Variants in XXYLT1 observed in about 807,000 individuals in gnomAD.
XXYLT1 encodes the protein xyloside xylosyltransferase 1.
A neutral mutation model predicts 28.9 loss-of-function variants in XXYLT1; 20 were observed. That is an observed-to-expected ratio of 0.69 (90% CI 0.49 to 1.00). The LOEUF (loss-of-function observed/expected upper bound fraction) is 1.00. Among genes scored for constraint, XXYLT1 ranks in the 50% least tolerant of loss-of-function variants. The pLI is 0.00. For missense variants in XXYLT1, 542 were observed against 560.1 expected, an observed-to-expected ratio of 0.97 and a Z score of 0.33; for synonymous variants, 257 against 253.8, an observed-to-expected ratio of 1.01 and a Z score of -0.12.
chr3:195,123,835 G>C (rs559397066), intron 3 of XXYLT1, among the ~76,000 whole-genome samples: 1 of 152,146 alleles, frequency 6.6e-6, no homozygotes, highest in East Asian at 1.9e-4. Context: ...TCTGTCCCCC[G>C]CCCAGGACAT....
At chr3:195,082,341 C>G (rs1486782928) in intron 3 of XXYLT1, among the ~76,000 whole-genome samples, 5 of 152,202 alleles carry the variant, frequency 3.3e-5, no homozygotes, top group Non-Finnish European at 5.9e-5. Flanking sequence ...CGTCAGCCCC[C>G]CTCCCTGGTG....
intron 3 of XXYLT1, among the ~76,000 whole-genome samples, chr3:195,071,261 C>T (rs1449931545): frequency 6.6e-6 from 1 of 152,134 alleles, no homozygotes; most frequent in Non-Finnish European, 1.5e-5. Context: ...GCTCTGCCTC[C>T]CAGCCTGGAG....
At chr3:195,111,862 A>G (rs1172751836) in intron 3 of XXYLT1, among the ~76,000 whole-genome samples, 1 of 152,238 alleles carries the variant, frequency 6.6e-6, no homozygotes, top group Non-Finnish European at 1.5e-5. Flanking sequence ...ATTGAGGTAA[A>G]GTGGCCTTCG....
intron 3 of XXYLT1, chr3:195,094,713 T>TAGAG (rs1716324805): frequency 2.6e-5 from 4 of 153,804 alleles, no homozygotes; most frequent in African/African-American, 9.7e-5. Context: ...CACGCCACCC[T>TAGAG]TCCCCCACAG....
intron 2 of XXYLT1, among the ~76,000 whole-genome samples, chr3:195,170,180 A>T (rs1721338802): frequency 2.0e-5 from 3 of 152,116 alleles, no homozygotes; most frequent in Admixed American, 6.5e-5. Context: ...ATATGTGTGT[A>T]TATACACACA....
rs369009525 is a variant in XXYLT1 at position 195,077,654 on chromosome 3, G to A, written c.786-7543C>T. On this transcript the variant is annotated intron_variant, in intron 3 of 3. Coordinates refer to ENST00000310380, the MANE Select transcript of XXYLT1 (RefSeq NM_152531.5). The surrounding 1 kb of genome is among the most constrained non-coding windows in gnomAD (Gnocchi z 4.8). ...AAAGCGCGGCCTGGGGCTGGACGTC[G>A]TAGGGGGTGAATGGCCCTGATGGCA... is the stretch of plus-strand genomic sequence containing the variant. 2.6e-5 allele frequency among the ~76,000 whole-genome samples: 4 copies of A among 152,188 alleles called. No individual in the cohort carries two copies. The highest frequency in any genetic ancestry group is 9.6e-5 in the African/African-American group (4 of 41,452).
At chr3:195,199,926 G>A (rs1475670958) in intron 2 of XXYLT1, among the ~76,000 whole-genome samples, 1 of 152,324 alleles carries the variant, frequency 6.6e-6, no homozygotes, top group East Asian at 1.9e-4. Context: ...ATGTAGAAAG[G>A]AGCATTCCAT....
chr3:195,127,116 C>A (rs1037347786), intron 3 of XXYLT1, among the ~76,000 whole-genome samples: 1 of 152,148 alleles, frequency 6.6e-6, no homozygotes, highest in Non-Finnish European at 1.5e-5. Context: ...TGGGCATCTG[C>A]GTTCTAGAAG....
In XXYLT1 at chr3:195,115,189, C is replaced by A. The variant is rs1717981347; in HGVS notation, c.785+41260G>T. ...ACTAGTGTGCTCACATGAGACGTGC[C>A]CGGTGAGAATGTGGCTTCTGGCTGT... On this transcript the variant is annotated intron_variant, in intron 3 of 3. Coordinates refer to ENST00000310380, the MANE Select transcript of XXYLT1 (RefSeq NM_152531.5). This position sits in a 1 kb window ranked among gnomAD's most constrained non-coding sequence, Gnocchi z 4.2. 6.6e-6 allele frequency among the ~76,000 whole-genome samples: 1 copy of A among 152,170 alleles called. No individual in the cohort carries two copies. The highest frequency in any genetic ancestry group is 2.4e-5 in the African/African-American group (1 of 41,432).
intron 3 of XXYLT1, among the ~76,000 whole-genome samples, chr3:195,138,918 T>C (rs1719339871): frequency 7.0e-6 from 1 of 143,758 alleles, no homozygotes; most frequent in South Asian, 2.3e-4. Flanking sequence ...AGAGAGAGCA[T>C]CCTAGTCAGA....
rs149896506 is a variant in XXYLT1 at position 195,129,761 on chromosome 3, C to A, written c.785+26688G>T. 6.6e-6 allele frequency among the ~76,000 whole-genome samples: 1 copy of A among 152,176 alleles called. No individual in the cohort carries two copies. Among genetic ancestry groups the A allele is most frequent in the East Asian group, 1.9e-4 (1 of 5,186 alleles). On this transcript the variant is annotated intron_variant, in intron 3 of 3. Transcript: ENST00000310380. The surrounding 1 kb of genome is among the most constrained non-coding windows in gnomAD (Gnocchi z 4.4). The stretch of plus-strand genomic sequence containing the variant: ...TTTCCACCGTTTGGCTATTATGACT[C>A]ATGCTGATACGAACGTCCATTTGCA...
rs543680669 is a variant in XXYLT1 at position 195,185,699 on chromosome 3, G to A, written c.653-29118C>T. ...TGAGGAGCAGGTCGACACACCCTCTGGGCGCTGAGGGACACAATGGGGACG... is the reference window on the plus strand; with the variant it reads ...TGAGGAGCAGGTCGACACACCCTCTAGGCGCTGAGGGACACAATGGGGACG... On this transcript the variant is annotated intron_variant, in intron 2 of 3. Transcript: ENST00000310380. Among the ~76,000 whole-genome samples, 9 of 151,422 alleles carry A rather than the reference G, an allele frequency of 5.9e-5. No individual in the cohort carries two copies. In the South Asian group the frequency reaches 6.2e-4, roughly 10 times the overall value.
At chr3:195,239,540 C>T (rs1048164593) in intron 1 of XXYLT1, among the ~76,000 whole-genome samples, 1 of 152,144 alleles carries the variant, frequency 6.6e-6, no homozygotes, top group African/African-American at 2.4e-5. Flanking sequence ...ATAGTTAATG[C>T]CAACCTGGAA....
chr3:195,169,182 G>A (rs1201547802), intron 2 of XXYLT1, among the ~76,000 whole-genome samples: 1 of 152,236 alleles, frequency 6.6e-6, no homozygotes, highest in Non-Finnish European at 1.5e-5. Context: ...CCTGCTGGCC[G>A]CGGCAACGCG....
In XXYLT1 at chr3:195,155,933, G is replaced by A. The variant is rs145936888; in HGVS notation, c.785+516C>T. Among the ~76,000 whole-genome samples, 464 of 152,340 alleles carry A rather than the reference G, an allele frequency of 3.0e-3. 2 individuals carry two copies. The highest frequency in any genetic ancestry group is 0.011 in the African/African-American group (455 of 41,580). ...TTCCAGAATGGTTCTCAGTCCTGGA[G>A]TTTCTCCATGACACAGGCTTGACAA... is the stretch of plus-strand genomic sequence containing the variant. On this transcript the variant is annotated intron_variant, in intron 3 of 3. Transcript: ENST00000310380.
At chr3:195,262,688 TATC>T in intron 1 of XXYLT1, among the ~76,000 whole-genome samples, 1 of 152,172 alleles carries the variant, frequency 6.6e-6, no homozygotes, top group East Asian at 1.9e-4. Context: ...GGCTCTGCCT[TATC>T]ATTTCAACAC....
intron 2 of XXYLT1, among the ~76,000 whole-genome samples, chr3:195,222,766 C>T (rs1361665440): frequency 6.6e-6 from 1 of 152,066 alleles, no homozygotes; most frequent in Non-Finnish European, 1.5e-5. Context: ...AAAATCATGA[C>T]ATAGCTTCAT....
intron 3 of XXYLT1, among the ~76,000 whole-genome samples, chr3:195,081,794 G>A (rs534198488): frequency 6.6e-6 from 1 of 152,360 alleles, no homozygotes; most frequent in South Asian, 2.1e-4. Flanking sequence ...AAACACACCA[G>A]CCTCCCCTGT....
rs543913105 is a variant in XXYLT1 at position 195,110,646 on chromosome 3, G to A, written c.786-40535C>T. Among the ~76,000 whole-genome samples the A allele has an allele frequency of 1.6e-4, 17 of 107,060 alleles. 2 individuals carry two copies. The South Asian group carries it at 5.7e-3, about 36-fold the overall frequency. 70.2% of individuals were successfully genotyped at this position (107,060 alleles called of 152,430 possible). On this transcript the variant is annotated intron_variant, in intron 3 of 3. Coordinates refer to ENST00000310380, the MANE Select transcript of XXYLT1 (RefSeq NM_152531.5). ...TGTGTGTGTGGTGTGTGATGTATAA[G>A]TGTGTGTGGTGTGTTGTGTGTGGTG...
Sources: allele counts gnomAD v4.1 joint callset (sites outside exome capture counted in the v4.1 genomes callset), GRCh38; gene constraint gnomAD v4.1.1; non-coding constraint Gnocchi (gnomAD v3.1); transcripts MANE v1.5; gene names NCBI Gene and HGNC (gene_info 2026-07-23, HGNC 2026-07-21).